Variants in SIAE observed in about 807,000 individuals in gnomAD.
SIAE encodes the protein sialate O-acetylesterase.
In SIAE, 39 loss-of-function variants were observed where a neutral mutation model predicts 52.6. That is an observed-to-expected ratio of 0.74 (90% CI 0.57 to 0.97). SIAE has a LOEUF of 0.97. SIAE is among the 50% of genes least tolerant of loss of function. The pLI is 0.00. For missense variants in SIAE, 592 were observed against 662.1 expected, an observed-to-expected ratio of 0.89 and a Z score of 1.16; for synonymous variants, 233 against 241.4, an observed-to-expected ratio of 0.97 and a Z score of 0.32.
At chr11:124,671,856 G>A (rs768983666) in intron 1 of SIAE, among the ~76,000 whole-genome samples, 7 of 152,094 alleles carry the variant, frequency 4.6e-5, no homozygotes, top group Non-Finnish European at 8.8e-5. Flanking sequence ...CCGCCTCTGG[G>A]GTTCAAGCGG....
rs147977671 is a variant in SIAE, at chr11:124,647,474, G to A, written c.857C>T (p.Thr286Met). The change falls in exon 7 of 10, where the codon ACG becomes ATG. Residue 286 changes from threonine (T) to methionine (M), a missense_variant. Transcript: ENST00000263593. ...YQGESNINYNTDLYNCTFPAL... is the reference protein window; with the variant it reads ...YQGESNINYNMDLYNCTFPAL... ...AGGGAATGTGCAATTGTACAGATCC[G>A]TGTTATAATTTATATTGGACTCCCC... 1,044 of 1,614,136 alleles carry A rather than the reference G, an allele frequency of 6.5e-4. 11 individuals are homozygous for A. The African/African-American group carries it at 9.8e-3, about 15-fold the overall frequency.
rs1398231074 is a variant in SIAE, at chr11:124,647,489, T to C, written c.842A>G (p.Asn281Ser). 23 of 1,614,036 alleles carry C rather than the reference T, an allele frequency of 1.4e-5. No homozygotes were observed. The highest frequency in any genetic ancestry group is 1.9e-5 in the Non-Finnish European group (22 of 1,180,044). Residue 281 changes from asparagine to serine, a missense_variant, in exon 7 of 10, where the codon AAT becomes AGT. Asn to Ser is a conservative substitution (Grantham distance 46, BLOSUM62 1). Coordinates refer to ENST00000263593, the MANE Select transcript of SIAE (RefSeq NM_170601.5). ...GTACAGATCCGTGTTATAATTTATA[T>C]TGGACTCCCCTAAAAACAGTCCAAA... ...KGVVWYQGES[N>S]INYNTDLYNC...
At chr11:124,646,992 G>GTACA (rs1461681631) in intron 7 of SIAE, among the ~76,000 whole-genome samples, 1 of 152,092 alleles carries the variant, frequency 6.6e-6, no homozygotes, top group African/African-American at 2.4e-5. Flanking sequence ...GCAAGATATA[G>GTACA]TACAGATCTA....
chr11:124,658,742 A>G (rs996571126), intron 3 of SIAE: 1 of 151,884 alleles, frequency 6.6e-6, no homozygotes, highest in African/African-American at 2.4e-5. Flanking sequence ...TGGAACTCTT[A>G]CCTCCTCAGA....
At chr11:124,656,110 C>T (rs1943094745) in intron 3 of SIAE, among the ~76,000 whole-genome samples, 3 of 152,086 alleles carry the variant, frequency 2.0e-5, no homozygotes, top group Admixed American at 6.6e-5. Context: ...CCCAAGATAT[C>T]TCATTATGTC....
In SIAE at chr11:124,636,020, C is replaced by A. The variant is rs1381419561; in HGVS notation, c.*931G>T. ...TTCTTCCAAATGGATTATCCTTAAACCTTTTACCTTTAAAGAGCCTGAGAT... is the reference window on the plus strand; with the variant it reads ...TTCTTCCAAATGGATTATCCTTAAAACTTTTACCTTTAAAGAGCCTGAGAT... On this transcript the variant is annotated 3_prime_UTR_variant, in exon 10 of 10. Transcript: ENST00000263593. 1 of 152,112 alleles carries A rather than the reference C, an allele frequency of 6.6e-6. No individual in the cohort carries two copies. 9.4% of individuals were successfully genotyped at this position (152,112 alleles called of 1,614,324 possible).
rs1942914957 is a variant in SIAE, at chr11:124,645,282, T to A, written c.966+2083A>T. On this transcript the variant is annotated intron_variant, in intron 7 of 9. Coordinates refer to ENST00000263593, the MANE Select transcript of SIAE (RefSeq NM_170601.5). The surrounding 1 kb of genome is among the most constrained non-coding windows in gnomAD (Gnocchi z 4.7). ...GGGACTTTCACTAAACTGTAAGGCA[T>A]AAGTACAAGAATCAGGTCTTTCTGA... Among the ~76,000 whole-genome samples the A allele has an allele frequency of 6.6e-6, 1 of 152,158 alleles. No individual in the cohort carries two copies. The highest frequency in any genetic ancestry group is 2.4e-5 in the African/African-American group (1 of 41,452).
At chr11:124,654,333 G>A (rs1428894408) in intron 4 of SIAE, 1 of 985,450 alleles carries the variant, frequency 1.0e-6, no homozygotes. Flanking sequence ...CAGACACAGA[G>A]ACAAGGGAAG....
chr11:124,673,062 A>G (rs1308575244), intron 1 of SIAE, among the ~76,000 whole-genome samples: 1 of 152,040 alleles, frequency 6.6e-6, no homozygotes, highest in East Asian at 1.9e-4. Flanking sequence ...TGCCACTCAC[A>G]TTTTCCCACC....
chr11:124,661,831 T>A (rs1030809621), intron 2 of SIAE, among the ~76,000 whole-genome samples: 1 of 152,214 alleles, frequency 6.6e-6, no homozygotes, highest in Non-Finnish European at 1.5e-5. Flanking sequence ...TGATAAGAAC[T>A]GGAAATGGAG....
At chr11:124,675,603 A>G (rs1161180367), upstream of SIAE, 2 of 550,572 alleles carry the variant, frequency 3.6e-6, no homozygotes, top group East Asian at 3.3e-5. Flanking sequence ...TTCGTTTCAT[A>G]TTATCGAAGA....
At chr11:124,668,703 T>C (rs1380809666) in intron 2 of SIAE, among the ~76,000 whole-genome samples, 3 of 152,232 alleles carry the variant, frequency 2.0e-5, no homozygotes, top group Admixed American at 1.3e-4. Context: ...TTCAGCCGTA[T>C]AAATGACAGA....
chr11:124,658,263 G>C (rs866349356), intron 3 of SIAE, among the ~76,000 whole-genome samples: 2 of 146,778 alleles, frequency 1.4e-5, no homozygotes, highest in African/African-American at 5.4e-5. Flanking sequence ...CACACACACA[G>C]AAGGACAGAA....
Position 124,636,606 on chromosome 11 carries a change from C to G in SIAE, c.*345G>C. On this transcript the variant is annotated 3_prime_UTR_variant, in exon 10 of 10. Coordinates refer to ENST00000263593, the MANE Select transcript of SIAE (RefSeq NM_170601.5). ...CCTATGTGGCCTTTAAAATCTCTTC[C>G]AATCCTGAGATTCCCACAACTCTGG... 1 of 330,038 alleles carries G rather than the reference C, an allele frequency of 3.0e-6. No homozygotes were observed. Among genetic ancestry groups the G allele is most frequent in the South Asian group, 2.8e-5 (1 of 35,928 alleles). 20.4% of individuals were successfully genotyped at this position (330,038 alleles called of 1,614,324 possible).
intron 9 of SIAE, among the ~76,000 whole-genome samples, chr11:124,638,094 A>C (rs1942781849): frequency 6.6e-6 from 1 of 152,188 alleles, no homozygotes; most frequent in South Asian, 2.1e-4. Flanking sequence ...TGTCACACTA[A>C]GTTACAAATA....
chr11:124,668,586 CA>C (rs1943303464), intron 2 of SIAE, among the ~76,000 whole-genome samples: 1 of 152,188 alleles, frequency 6.6e-6, no homozygotes, highest in Non-Finnish European at 1.5e-5. Context: ...AAGTCTTTAC[CA>C]GTGTTAATTC....
At chr11:124,647,628 A>G in intron 6 of SIAE, 130 bp from the exon 7 acceptor site, 1 of 1,129,248 alleles carries the variant, frequency 8.9e-7, no homozygotes, top group Non-Finnish European at 1.3e-6. Context: ...GTCTTTTTCC[A>G]GCCAGTGGGG....
chr11:124,639,674 T>C (rs1942811823), intron 8 of SIAE, 36 bp downstream of exon 8: 3 of 1,613,426 alleles, frequency 1.9e-6, no homozygotes, highest in African/African-American at 1.3e-5. Context: ...ACAAAGAACA[T>C]ACACTGTTCA....
intron 1 of SIAE, among the ~76,000 whole-genome samples, chr11:124,671,566 A>G (rs1051169088): frequency 6.6e-6 from 1 of 152,192 alleles, no homozygotes; most frequent in African/African-American, 2.4e-5. Context: ...CCGAAATTAG[A>G]TACTTGTGGC....
Sources: allele counts gnomAD v4.1 joint callset (sites outside exome capture counted in the v4.1 genomes callset), GRCh38; gene constraint gnomAD v4.1.1; non-coding constraint Gnocchi (gnomAD v3.1); transcripts MANE v1.5; gene names NCBI Gene and HGNC (gene_info 2026-07-23, HGNC 2026-07-21).